FAM81A: variants seen among roughly 807,000 people sequenced by gnomAD.
FAM81A encodes the protein protein FAM81A.
FAM81A carries 19 observed loss-of-function variants against 46.7 expected under a neutral mutation model. The observed-to-expected ratio is 0.41, with a 90% confidence interval of 0.28 to 0.60. FAM81A has a LOEUF of 0.60. Among genes scored for constraint, FAM81A ranks in the 20% least tolerant of loss-of-function variants. FAM81A has a pLI of 0.34. For synonymous variants in FAM81A, 183 were observed against 152.9 expected (o/e 1.20, Z -1.45); for missense variants, 377 against 453.5 (o/e 0.83, Z 1.53).
chr15:59,478,163 G>A (rs1177023491), intron 3 of FAM81A, among the ~76,000 whole-genome samples: 2 of 152,134 alleles, frequency 1.3e-5, no homozygotes, highest in Admixed American at 6.6e-5. Flanking sequence ...GGCTTTAGCT[G>A]TGTCTCTGGC....
intron 1 of FAM81A, among the ~76,000 whole-genome samples, chr15:59,400,688 G>A (rs970815522): frequency 1.3e-5 from 2 of 152,002 alleles, no homozygotes; most frequent in Admixed American, 6.6e-5. Flanking sequence ...CCCTCCTTTC[G>A]GCCTTAGGTC....
intron 1 of FAM81A, among the ~76,000 whole-genome samples, chr15:59,444,645 C>T (rs1202460070): frequency 6.6e-6 from 1 of 152,184 alleles, no homozygotes; most frequent in Non-Finnish European, 1.5e-5. Context: ...TGCTGTCCTT[C>T]AGCACTGCCT....
At chr15:59,485,841 C>A (rs2081911245) in intron 3 of FAM81A, among the ~76,000 whole-genome samples, 2 of 152,112 alleles carry the variant, frequency 1.3e-5, no homozygotes, top group Non-Finnish European at 2.9e-5. Context: ...CAAGATAACA[C>A]CGAGAAGGAA....
intron 1 of FAM81A, among the ~76,000 whole-genome samples, chr15:59,449,011 C>A (rs1180056758): frequency 6.6e-6 from 1 of 152,200 alleles, no homozygotes; most frequent in Non-Finnish European, 1.5e-5. Context: ...TTCTAACTAA[C>A]TGCTCTTCTA....
chr15:59,469,836 T>C (rs1181014393), intron 3 of FAM81A, among the ~76,000 whole-genome samples: 3 of 152,200 alleles, frequency 2.0e-5, no homozygotes, highest in Non-Finnish European at 4.4e-5. Context: ...TTTGGCATGT[T>C]TTTGCAGTGG....
At position 59,460,128 on chromosome 15, in the gene FAM81A, C is replaced by T. The variant is rs779122560; in HGVS notation, c.216C>T (p.Asp72=). The part of the protein sequence containing the change: ...LQKMQNKGGG[D]RLARLFLEEH... ...AAATGCAAAACAAAGGGGGAGGTGA[C>T]CGCTTGGCCAGGCTTTTCTTGGAGG... is the stretch of plus-strand genomic sequence containing the variant. Residue 72 remains aspartate (D), a synonymous_variant, in exon 3 of 9, where the codon GAC becomes GAT. Transcript: ENST00000288228. The surrounding 1 kb of genome is among the most constrained non-coding windows in gnomAD (Gnocchi z 4.4). 2.5e-6 allele frequency: 4 copies of T among 1,614,046 alleles called. No homozygotes were observed. The highest frequency in any genetic ancestry group is 3.3e-4 in the Middle Eastern group (2 of 6,062).
intron 8 of FAM81A, among the ~76,000 whole-genome samples, chr15:59,520,306 C>T (rs1203237799): frequency 6.6e-6 from 1 of 152,060 alleles, no homozygotes; most frequent in East Asian, 1.9e-4. Context: ...TGCTTGTACT[C>T]GTTTGTCTTT....
chr15:59,516,503 G>C, intron 7 of FAM81A, 142 bp from the exon 8 acceptor site: 1 of 760,252 alleles, frequency 1.3e-6, no homozygotes, highest in South Asian at 1.8e-5. Context: ...AAGAAAGGGA[G>C]AACGGATATT....
At position 59,509,074 on chromosome 15, in the gene FAM81A, A is replaced by T. The variant is rs143093619; in HGVS notation, c.650+105A>T. 13 of 847,012 alleles carry T rather than the reference A, an allele frequency of 1.5e-5. No individual in the cohort carries two copies. The African/African-American group carries it at 1.6e-4, about 10-fold the overall frequency. The allele number at this position is 847,012 out of a possible 1,614,324, so 52.5% of individuals were successfully genotyped here. A position where few individuals can be genotyped will look rare whatever the true frequency, so the allele number is the denominator to read the frequency against. ...GTTTTTATTTATTGCACAAATTGAAAACAATAATGGAAGTTAAAAAGAAAA... is the reference window on the plus strand; with the variant it reads ...GTTTTTATTTATTGCACAAATTGAATACAATAATGGAAGTTAAAAAGAAAA... On this transcript the variant is annotated intron_variant, in intron 6 of 8. Coordinates refer to ENST00000288228, the MANE Select transcript of FAM81A (RefSeq NM_152450.3).
chr15:59,507,377 T>C, intron 5 of FAM81A, 35 bp downstream of exon 5: 1 of 1,601,752 alleles, frequency 6.2e-7, no homozygotes, highest in Non-Finnish European at 8.5e-7. Context: ...TAGAAGCGGG[T>C]AATTTGTTCT....
chr15:59,453,153 G>A (rs2081439580), intron 1 of FAM81A, among the ~76,000 whole-genome samples: 1 of 152,186 alleles, frequency 6.6e-6, no homozygotes, highest in Non-Finnish European at 1.5e-5. Context: ...AACCCTTACT[G>A]GAAGCTTATC....
chr15:59,414,424 A>T (rs1427043906), intron 2 of FAM81A, among the ~76,000 whole-genome samples: 1 of 152,222 alleles, frequency 6.6e-6, no homozygotes, highest in Non-Finnish European at 1.5e-5. Flanking sequence ...CAGGAAAGAA[A>T]AGGGAATACC....
chr15:59,455,550 C>T (rs1332838936), intron 1 of FAM81A, among the ~76,000 whole-genome samples: 3 of 152,232 alleles, frequency 2.0e-5, no homozygotes, highest in Admixed American at 2.0e-4. Flanking sequence ...ATAGATTCCA[C>T]GTTCTGGCAA....
At chr15:59,446,704 C>T (rs537375923) in intron 1 of FAM81A, 3 of 152,144 alleles carry the variant, frequency 2.0e-5, no homozygotes, top group African/African-American at 7.2e-5. Flanking sequence ...CCTGGAACCT[C>T]GAGTTTTTGG....
intron 2 of FAM81A, among the ~76,000 whole-genome samples, chr15:59,418,667 C>T (rs1028609423): frequency 2.0e-5 from 3 of 152,218 alleles, no homozygotes; most frequent in Admixed American, 6.5e-5. Context: ...TTTCCTTGCT[C>T]GATTTCCTCT....
At chr15:59,517,687 A>G (rs1250149561) in intron 8 of FAM81A, among the ~76,000 whole-genome samples, 1 of 152,214 alleles carries the variant, frequency 6.6e-6, no homozygotes, top group Non-Finnish European at 1.5e-5. Context: ...TGTTATTACC[A>G]CCAAATGTTT....
In FAM81A at chr15:59,438,237, G is replaced by C. The variant is rs1395741994; in HGVS notation, c.-123G>C. 6.7e-6 allele frequency: 1 copy of C among 148,858 alleles called. No individual in the cohort carries two copies. The highest frequency in any genetic ancestry group is 2.4e-5 in the African/African-American group (1 of 41,030). 9.2% of individuals were successfully genotyped at this position (148,858 alleles called of 1,614,324 possible). ...GCCAGCGGCCGCCGCACCCAGCCGCGCCGGCGAGGACATGGGCAGCCGCGG... is the reference window on the plus strand; with the variant it reads ...GCCAGCGGCCGCCGCACCCAGCCGCCCCGGCGAGGACATGGGCAGCCGCGG... On this transcript the variant is annotated 5_prime_UTR_variant, in exon 1 of 9. Transcript: ENST00000288228.
chr15:59,405,633 T>G (rs1198391487), intron 2 of FAM81A, among the ~76,000 whole-genome samples: 2 of 106,694 alleles, frequency 1.9e-5, no homozygotes. Context: ...AGAGTGAGAC[T>G]TCATCTCAAA....
intron 6 of FAM81A, 42 bp downstream of exon 6, chr15:59,509,011 T>C (rs765302744): frequency 2.7e-6 from 4 of 1,464,994 alleles, no homozygotes; most frequent in Non-Finnish European, 3.8e-6. Flanking sequence ...TTAAAGTTCT[T>C]TATGAGTTTA....
Sources: gnomAD v4.1 joint callset for allele counts (sites outside exome capture counted in the v4.1 genomes callset) on GRCh38, gnomAD v4.1.1 for gene constraint, Gnocchi (gnomAD v3.1) non-coding constraint, MANE v1.5 for transcripts, NCBI Gene and HGNC (gene_info 2026-07-23, HGNC 2026-07-21) for gene names.